The following CPNE4 variants were observed in gnomAD, a reference collection of about 807,000 sequenced individuals.
The protein encoded by CPNE4 is copine-4.
Under a neutral mutation model 67.9 loss-of-function variants are expected in CPNE4, and 25 were observed. The observed-to-expected ratio is 0.37, with a 90% CI of 0.27 to 0.51. CPNE4 has a LOEUF of 0.51. Ranked by LOEUF, CPNE4 falls within the 20% of genes least tolerant of loss-of-function variation. The pLI is 0.93. For missense variants in CPNE4, 464 were observed against 690.8 expected (o/e 0.67, Z 3.68); for synonymous variants, 242 against 244.9 (o/e 0.99, Z 0.11).
chr3:131,614,676 G>C lies in CPNE4; in HGVS notation c.682-27094C>G, dbSNP rs200463185. 3.9e-5 allele frequency among the ~76,000 whole-genome samples: 6 copies of C among 152,312 alleles called. No individual in the cohort carries two copies. The East Asian group carries it at 1.2e-3, about 29-fold the overall frequency. On this transcript the variant is annotated intron_variant, in intron 7 of 15. Transcript: ENST00000429747. ...GAAACTGAAGGAGATTAGACATGAG[G>C]TGGGGTCAGGGGCAGCCTGCTGAAG...
chr3:132,008,602 C>T (rs1466027294), intron 1 of CPNE4, among the ~76,000 whole-genome samples: 2 of 152,126 alleles, frequency 1.3e-5, no homozygotes, highest in Non-Finnish European at 2.9e-5. Context: ...CACATTTGTG[C>T]ACATGGGCAT....
chr3:131,623,237 G>A lies in CPNE4; in HGVS notation c.682-35655C>T, dbSNP rs200017873. Among the ~76,000 whole-genome samples, 65 of 95,940 alleles carry A rather than the reference G, an allele frequency of 6.8e-4. No homozygotes were observed. The African/African-American group carries it at 7.5e-3, about 11-fold the overall frequency. The allele number at this position is 95,940 out of a possible 152,430, so 62.9% of individuals were successfully genotyped here. A position where few individuals can be genotyped will look rare whatever the true frequency, so the allele number is the denominator to read the frequency against. Reference sequence around the variant, plus strand: ...GTGACATACTTAAACTGAAAAAAAAGAAACCCTGAACTTTTATTTTTATGC... The same window carrying A: ...GTGACATACTTAAACTGAAAAAAAAAAAACCCTGAACTTTTATTTTTATGC... On this transcript the variant is annotated intron_variant, in intron 7 of 15. Transcript: ENST00000429747.
intron 8 of CPNE4, among the ~76,000 whole-genome samples, chr3:131,581,913 A>G (rs1937863014): frequency 6.6e-6 from 1 of 152,168 alleles, no homozygotes; most frequent in African/African-American, 2.4e-5. Context: ...AAGTTACTTG[A>G]TTGCTCTATG....
At chr3:131,916,562 G>A (rs764143439) in intron 1 of CPNE4, among the ~76,000 whole-genome samples, 1 of 152,126 alleles carries the variant, frequency 6.6e-6, no homozygotes, top group African/African-American at 2.4e-5. Context: ...GGACAACATG[G>A]TGTGTTTTGG....
At chr3:131,762,523 T>C (rs1309696940) in intron 2 of CPNE4, among the ~76,000 whole-genome samples, 1 of 152,068 alleles carries the variant, frequency 6.6e-6, no homozygotes, top group Non-Finnish European at 1.5e-5. Flanking sequence ...GAGTGCCTAC[T>C]GTATACCGCA....
intron 7 of CPNE4, among the ~76,000 whole-genome samples, chr3:131,639,994 A>G (rs2079498706): frequency 6.6e-6 from 1 of 152,114 alleles, no homozygotes; most frequent in African/African-American, 2.4e-5. Context: ...AAAGCAGCAT[A>G]GAAGGGACAC....
chr3:131,647,999 A>G (rs892310248), intron 7 of CPNE4, among the ~76,000 whole-genome samples: 1 of 152,150 alleles, frequency 6.6e-6, no homozygotes, highest in Non-Finnish European at 1.5e-5. Flanking sequence ...AGCTCTGACA[A>G]TATCATTTTT....
At chr3:132,035,021 C>T, upstream of CPNE4, 1 of 985,418 alleles carries the variant, frequency 1.0e-6, no homozygotes, top group Non-Finnish European at 1.2e-6. Flanking sequence ...TGACGAATCC[C>T]ATGCACCCAG....
chr3:131,634,188 A>G (rs2079314693), intron 7 of CPNE4, among the ~76,000 whole-genome samples: 2 of 152,172 alleles, frequency 1.3e-5, no homozygotes, highest in Admixed American at 1.3e-4. Context: ...TGATATAAAA[A>G]TGTATCTTCA....
intron 10 of CPNE4, among the ~76,000 whole-genome samples, chr3:131,566,265 T>G (rs1000045876): frequency 6.6e-6 from 1 of 151,746 alleles, no homozygotes; most frequent in Non-Finnish European, 1.5e-5. Context: ...CCAAAATGGG[T>G]GTAAAACTTA....
At chr3:131,772,600 C>A (rs2083195150) in intron 2 of CPNE4, among the ~76,000 whole-genome samples, 1 of 152,112 alleles carries the variant, frequency 6.6e-6, no homozygotes, top group African/African-American at 2.4e-5. Context: ...TGTGAAGTCA[C>A]CTGTGTTTCT....
intron 2 of CPNE4, among the ~76,000 whole-genome samples, chr3:131,755,374 A>ACGGG (rs1186992311): frequency 2.0e-5 from 3 of 152,176 alleles, no homozygotes; most frequent in Non-Finnish European, 4.4e-5. Context: ...AAACAGCCAT[A>ACGGG]CGGACCTGTG....
intron 2 of CPNE4, among the ~76,000 whole-genome samples, chr3:131,770,998 T>C (rs946351837): frequency 1.3e-5 from 2 of 152,208 alleles, no homozygotes; most frequent in African/African-American, 4.8e-5. Context: ...AAGTCATGGC[T>C]AAAAGCAGTG....
intron 7 of CPNE4, among the ~76,000 whole-genome samples, chr3:131,648,514 T>C (rs1001856275): frequency 6.6e-6 from 1 of 152,226 alleles, no homozygotes; most frequent in African/African-American, 2.4e-5. Context: ...TCATAGACAG[T>C]AGGTCTTGAA....
intron 2 of CPNE4, among the ~76,000 whole-genome samples, chr3:131,724,327 C>A (rs1002046246): frequency 2.6e-5 from 4 of 152,134 alleles, no homozygotes; most frequent in African/African-American, 9.7e-5. Flanking sequence ...TTCTCATCAA[C>A]AAAATGAAAA....
chr3:131,694,643 T>G (rs1314916828), intron 5 of CPNE4, among the ~76,000 whole-genome samples: 1 of 152,122 alleles, frequency 6.6e-6, no homozygotes, highest in Non-Finnish European at 1.5e-5. Context: ...TTGAAATGCT[T>G]TCTCTGGGAG....
At chr3:131,792,649 ATATATACACACGTG>A (rs2083770983) in intron 2 of CPNE4, among the ~76,000 whole-genome samples, 8 of 73,296 alleles carry the variant, frequency 1.1e-4, no homozygotes, top group East Asian at 3.5e-4. Context: ...GTATATATGT[ATATATACACACGTG>A]TATATATACA....
At chr3:131,860,193 C>A (rs936173381) in intron 2 of CPNE4, among the ~76,000 whole-genome samples, 1 of 152,130 alleles carries the variant, frequency 6.6e-6, no homozygotes, top group African/African-American at 2.4e-5. Flanking sequence ...AAACAAATGT[C>A]TCCATAAGAT....
chr3:131,837,323 T>A (rs941897982), intron 2 of CPNE4, among the ~76,000 whole-genome samples: 2 of 152,122 alleles, frequency 1.3e-5, no homozygotes, highest in African/African-American at 4.8e-5. Context: ...GTTGAATAAA[T>A]TGTTGGATGT....
Sources: gnomAD v4.1 joint callset for allele counts (sites outside exome capture counted in the v4.1 genomes callset) on GRCh38, gnomAD v4.1.1 for gene constraint, MANE v1.5 for transcripts, NCBI Gene and HGNC (gene_info 2026-07-23, HGNC 2026-07-21) for gene names.